KYAT3: variants seen among roughly 807,000 people sequenced by gnomAD.
KYAT3 encodes kynurenine aminotransferase 3.
A neutral mutation model predicts 59.0 loss-of-function variants in KYAT3; 50 were observed. The observed-to-expected ratio is 0.85, with a 90% CI of 0.68 to 1.07. The LOEUF (loss-of-function observed/expected upper bound fraction) is 1.07, where lower values mean the gene tolerates loss of function less well. Ranked by LOEUF, KYAT3 falls within the 50% of genes least tolerant of loss-of-function variation. The probability of loss-of-function intolerance (pLI) is 0.00; values close to 1 mark genes in which losing one functional copy is unlikely to be tolerated. For missense variants in KYAT3, 497 were observed against 533.3 expected (o/e 0.93, Z 0.67); for synonymous variants, 148 against 177.0 (o/e 0.84, Z 1.30).
intron 11 of KYAT3, among the ~76,000 whole-genome samples, 181 bp downstream of exon 11, chr1:88,948,910 C>A (rs899352005): frequency 6.6e-6 from 1 of 152,120 alleles, no homozygotes; most frequent in Admixed American, 6.5e-5. Context: ...ACAATGGTCA[C>A]ATTTAAGGTA....
chr1:88,935,696 G>C, downstream of KYAT3: 1 of 275,382 alleles, frequency 3.6e-6, no homozygotes, highest in Non-Finnish European at 6.7e-6. Flanking sequence ...GGAACTACAG[G>C]TGGGTACACA....
chr1:88,955,830 TGTG>T (rs1420943127), intron 8 of KYAT3, among the ~76,000 whole-genome samples: 2 of 139,022 alleles, frequency 1.4e-5, no homozygotes, highest in East Asian at 1.9e-4. Flanking sequence ...TGTGTGCACA[TGTG>T]TGTGTGTGTG....
chr1:88,964,809 GATA>G lies in KYAT3; in HGVS notation c.453+17_453+19del. Reference sequence around the variant, plus strand: ...GATAATTGATTAATATGGGTATTACGATAATGTTAATATACTTACTTCATCTCC... The same window carrying G: ...GATAATTGATTAATATGGGTATTACGATGTTAATATACTTACTTCATCTCC... On this transcript the variant is annotated intron_variant, in intron 5 of 13. Transcript: ENST00000260508. 6.5e-7 allele frequency: 1 copy of G among 1,549,272 alleles called. No homozygotes were observed. The highest frequency in any genetic ancestry group is 1.4e-5 in the African/African-American group (1 of 72,592).
chr1:88,928,601 G>C, the KYAT3 span, among the ~76,000 whole-genome samples: 2 of 152,292 alleles, frequency 1.3e-5, no homozygotes, highest in African/African-American at 4.8e-5. Context: ...TGCCCCAGGG[G>C]ACGAAGGTCC....
At chr1:88,950,576 A>G (rs1454529549) in intron 10 of KYAT3, among the ~76,000 whole-genome samples, 1 of 152,144 alleles carries the variant, frequency 6.6e-6, no homozygotes, top group Admixed American at 6.5e-5. Flanking sequence ...ATAAGGAGAC[A>G]TAAACATCCA....
intron 10 of KYAT3, 144 bp from the exon 11 acceptor site, chr1:88,949,421 A>G: frequency 1.8e-6 from 1 of 552,726 alleles, no homozygotes; most frequent in East Asian, 3.3e-5. Flanking sequence ...ATTCCTGTGA[A>G]CCTATATTAA....
chr1:88,979,170 A>G (rs1476028384), intron 2 of KYAT3, among the ~76,000 whole-genome samples: 2 of 152,206 alleles, frequency 1.3e-5, no homozygotes, highest in African/African-American at 4.8e-5. Context: ...GCCAGACTGA[A>G]TGGTAACAGA....
In KYAT3 at chr1:88,992,619, G is replaced by C. The variant is rs1232572987; in HGVS notation, c.-36C>G. 1.3e-5 allele frequency: 2 copies of C among 152,938 alleles called. No individual in the cohort carries two copies. Among genetic ancestry groups the C allele is most frequent in the Admixed American group, 6.5e-5 (1 of 15,294 alleles). 9.5% of individuals were successfully genotyped at this position (152,938 alleles called of 1,614,324 possible). On this transcript the variant is annotated 5_prime_UTR_variant, in exon 1 of 14. Transcript: ENST00000260508. ...GCGGGAACCTCGCCTCCCTAGGCTC[G>C]AGTCCCGACTGGGCTTGAGGGCCCG...
downstream of KYAT3, among the ~76,000 whole-genome samples, chr1:88,932,912 A>C (rs936471594): frequency 7.9e-5 from 12 of 151,404 alleles, no homozygotes; most frequent in African/African-American, 2.9e-4. Context: ...AATACCTACT[A>C]CTCTCCCCCT....
intron 13 of KYAT3, among the ~76,000 whole-genome samples, chr1:88,942,125 C>A (rs573779363): frequency 1.3e-5 from 2 of 152,090 alleles, no homozygotes; most frequent in East Asian, 3.9e-4. Context: ...TAATATTTCT[C>A]CTTTTTTCAG....
intron 2 of KYAT3, chr1:88,982,038 G>A (rs567391476): frequency 1.0e-6 from 1 of 979,236 alleles, no homozygotes; most frequent in South Asian, 4.7e-5. Flanking sequence ...ATTGTGGGAG[G>A]GGAAAGGGGA....
At chr1:88,986,250 A>G (rs1677448338) in intron 2 of KYAT3, among the ~76,000 whole-genome samples, 1 of 151,718 alleles carries the variant, frequency 6.6e-6, no homozygotes, top group African/African-American at 2.4e-5. Flanking sequence ...AGACCTAAGG[A>G]AAAGGTTTTG....
Position 88,949,154 on chromosome 1 carries a change from C to G in KYAT3, c.1078G>C (p.Val360Leu). ...TCAGGAACTATGGGTTTTAGGCCAACACTTTCAAGTAAACGTACCATCCGA... is the reference window on the plus strand; with the variant it reads ...TCAGGAACTATGGGTTTTAGGCCAAGACTTTCAAGTAAACGTACCATCCGA... ...RDRMVRLLES[V>L]GLKPIVPDGG... The change falls in exon 11 of 14, where the codon GTT becomes CTT. Residue 360 changes from valine to leucine, a missense_variant. By Grantham distance (32) the Val-to-Leu change is conservative. This residue lies in a region of KYAT3 where 469 missense variants were observed against 479.1 expected (regional missense o/e 0.98). Transcript: ENST00000260508. The G allele has an allele frequency of 6.2e-7, 1 of 1,609,842 alleles. No homozygotes were observed. Among genetic ancestry groups the G allele is most frequent in the Non-Finnish European group, 8.5e-7 (1 of 1,178,512 alleles).
At chr1:88,983,461 A>G in intron 2 of KYAT3, 3 of 1,614,094 alleles carry the variant, frequency 1.9e-6, no homozygotes, top group Non-Finnish European at 2.5e-6. Context: ...CTCGTGAAGG[A>G]GGTCCCCTGG....
chr1:88,933,552 T>C (rs534042257), downstream of KYAT3, among the ~76,000 whole-genome samples: 5 of 152,096 alleles, frequency 3.3e-5, no homozygotes, highest in Non-Finnish European at 7.4e-5. Flanking sequence ...GTAGATAGAC[T>C]CAATCAGTGA....
intron 11 of KYAT3, among the ~76,000 whole-genome samples, chr1:88,947,605 T>C (rs937797411): frequency 6.6e-6 from 1 of 152,186 alleles, no homozygotes; most frequent in Non-Finnish European, 1.5e-5. Context: ...AAGTAGCCCA[T>C]GAAAGGCACA....
rs1402528987 is a variant in KYAT3, at chr1:88,943,366, C to A, written c.1199G>T (p.Trp400Leu). 8 of 1,561,692 alleles carry A rather than the reference C, an allele frequency of 5.1e-6. No individual in the cohort carries two copies. In the Admixed American group the frequency reaches 1.3e-4, roughly 25 times the overall value. ...AAACATTACCTTATGTTTAGTCATC[C>A]ATTTCACAAACTTATAGTCATAAGG... ...NEPYDYKFVK[W>L]MTKHKKLSAI... The change falls in exon 12 of 14, where the codon TGG (tryptophan) becomes TTG (leucine). Residue 400 changes from tryptophan to leucine, a missense_variant. Around this residue, in one of 2 missense-constraint regions of KYAT3, gnomAD observed 469 missense variants for 479.1 expected, o/e 0.98. Coordinates refer to ENST00000260508, the MANE Select transcript of KYAT3 (RefSeq NM_001008661.3).
chr1:88,984,230 T>TTTTTTTTTTTTTTG (rs1389801640), intron 2 of KYAT3, among the ~76,000 whole-genome samples: 1 of 128,176 alleles, frequency 7.8e-6, no homozygotes, highest in African/African-American at 4.2e-5. Flanking sequence ...TTTTTTTTTT[T>TTTTTTTTTTTTTTG]GTAGACAGGA....
At chr1:88,966,500 TA>T (rs1676356373) in intron 4 of KYAT3, among the ~76,000 whole-genome samples, 1 of 152,190 alleles carries the variant, frequency 6.6e-6, no homozygotes, top group South Asian at 2.1e-4. Flanking sequence ...AAATAGTATT[TA>T]AAAAATTTTA....
Sources: allele counts gnomAD v4.1 joint callset (sites outside exome capture counted in the v4.1 genomes callset), GRCh38; gene constraint gnomAD v4.1.1; regional missense constraint gnomAD v4.1.1; transcripts MANE v1.5; gene names NCBI Gene and HGNC (gene_info 2026-07-23, HGNC 2026-07-21).